PPP1R12A: variants seen among roughly 807,000 people sequenced by gnomAD.
PPP1R12A encodes the protein myosin binding subunit.
In PPP1R12A, 19 loss-of-function variants were observed where a neutral mutation model predicts 139.6. That is an observed-to-expected ratio of 0.14 (90% confidence interval 0.09 to 0.20). The LOEUF (loss-of-function observed/expected upper bound fraction) is 0.20, where lower values mean the gene tolerates loss of function less well. Among genes scored for constraint, PPP1R12A ranks in the 10% least tolerant of loss-of-function variants. PPP1R12A has a pLI of 1.00. For synonymous variants in PPP1R12A, 427 were observed against 420.6 expected, an observed-to-expected ratio of 1.02 and a Z score of -0.19; for missense variants, 925 against 1,211.5, an observed-to-expected ratio of 0.76 and a Z score of 3.51.
chr12:79,781,733 A>T, intron 23 of PPP1R12A, 82 bp downstream of exon 23: 2 of 804,194 alleles, frequency 2.5e-6, no homozygotes, highest in Non-Finnish European at 3.8e-6. Flanking sequence ...ATCCATAATA[A>T]CAAAATAAAA....
chr12:79,819,581 T>G (rs1269218865), intron 8 of PPP1R12A: 9 of 152,202 alleles, frequency 5.9e-5, no homozygotes, highest in Admixed American at 4.6e-4. Flanking sequence ...TTTGTAATGA[T>G]ATACTTGACT....
intron 18 of PPP1R12A, among the ~76,000 whole-genome samples, chr12:79,794,227 C>T (rs992603509): frequency 5.3e-5 from 8 of 151,760 alleles, no homozygotes; most frequent in Admixed American, 4.6e-4. Context: ...AACTATTTTC[C>T]GATTTCCCCA....
chr12:79,775,916 GC>G lies in PPP1R12A; in HGVS notation c.*12del. On this transcript the variant is annotated 3_prime_UTR_variant, in exon 25 of 25. Transcript: ENST00000450142. ...AATATGTGCAATTCCATTACTTGCT[GC>G]TTTTTTTTTTTTTATTTGGAAAGTT... 1 of 1,419,478 alleles carries G rather than the reference GC, an allele frequency of 7.0e-7. No individual in the cohort carries two copies. Among genetic ancestry groups the G allele is most frequent in the South Asian group, 1.3e-5 (1 of 78,506 alleles). The allele number at this position is 1,419,478 out of a possible 1,614,324, so 87.9% of individuals were successfully genotyped here.
intron 2 of PPP1R12A, among the ~76,000 whole-genome samples, chr12:79,869,492 G>A (rs1882333559): frequency 6.6e-6 from 1 of 152,144 alleles, no homozygotes; most frequent in Admixed American, 6.6e-5. Context: ...TGATGAATTT[G>A]CCAAGAACAT....
chr12:79,892,651 G>A (rs940002034), intron 1 of PPP1R12A, among the ~76,000 whole-genome samples: 1 of 152,086 alleles, frequency 6.6e-6, no homozygotes, highest in Non-Finnish European at 1.5e-5. Flanking sequence ...GTCAAAAGGG[G>A]AAGTAATAGG....
chr12:79,797,863 G>A (rs1872665949), intron 15 of PPP1R12A, among the ~76,000 whole-genome samples: 1 of 152,110 alleles, frequency 6.6e-6, no homozygotes, highest in African/African-American at 2.4e-5. Flanking sequence ...TAAGGCCCTA[G>A]CAAATAGTTC....
intron 1 of PPP1R12A, chr12:79,913,911 T>TG (rs1293451949): frequency 6.6e-6 from 1 of 152,168 alleles, no homozygotes; most frequent in Non-Finnish European, 1.5e-5. Flanking sequence ...AAGCATATGA[T>TG]GGAGTTTTCC....
chr12:79,872,921 A>G lies in PPP1R12A; in HGVS notation c.255T>C (p.Asn85=). The G allele has an allele frequency of 6.2e-7, 1 of 1,613,098 alleles. No individual in the cohort carries two copies. The highest frequency in any genetic ancestry group is 8.5e-7 in the Non-Finnish European group (1 of 1,179,608). Residue 85 remains asparagine (N), a synonymous_variant, in exon 2 of 25, where the codon AAT becomes AAC. Coordinates refer to ENST00000450142, the MANE Select transcript of PPP1R12A (RefSeq NM_002480.3). ...CTACCAGAAACTTCACCATATCAAC[A>G]TTGTCATCAATGCAAGCCTAAAAAC... ...TALHQACIDD[N]VDMVKFLVEN... is the part of the protein sequence containing the mutation.
At chr12:79,811,474 C>G (rs1383279952) in intron 9 of PPP1R12A, among the ~76,000 whole-genome samples, 1 of 152,194 alleles carries the variant, frequency 6.6e-6, no homozygotes, top group African/African-American at 2.4e-5. Context: ...TTCCATCAAA[C>G]TACTTAATGA....
intron 14 of PPP1R12A, among the ~76,000 whole-genome samples, chr12:79,799,513 C>T (rs1357861044): frequency 6.6e-6 from 1 of 152,134 alleles, no homozygotes; most frequent in Non-Finnish European, 1.5e-5. Flanking sequence ...ATTGTTCATA[C>T]TTTTGAGTGC....
At chr12:79,811,458 T>C (rs150276175) in intron 9 of PPP1R12A, among the ~76,000 whole-genome samples, 1 of 152,294 alleles carries the variant, frequency 6.6e-6, no homozygotes, top group African/African-American at 2.4e-5. Context: ...GCCATTTTGA[T>C]CACATTTCCA....
At chr12:79,906,973 TTGTACTG>T (rs2137504584) in intron 1 of PPP1R12A, among the ~76,000 whole-genome samples, 1 of 152,318 alleles carries the variant, frequency 6.6e-6, no homozygotes, top group South Asian at 2.1e-4. Context: ...AAATTGCCTA[TTGTACTG>T]ATTCTACATA....
At chr12:79,789,501 C>A (rs778374479) in intron 20 of PPP1R12A, 4 of 316,800 alleles carry the variant, frequency 1.3e-5, no homozygotes, top group Non-Finnish European at 2.4e-5. Flanking sequence ...TAAAGTATAT[C>A]CAAAGTGACA....
At chr12:79,836,353 CTTTTTATTA>C (rs1294648361) in intron 3 of PPP1R12A, among the ~76,000 whole-genome samples, 1 of 151,996 alleles carries the variant, frequency 6.6e-6, no homozygotes, top group African/African-American at 2.4e-5. Context: ...AAACAGGTAG[CTTTTTATTA>C]TTTTTATCCC....
At position 79,820,678 on chromosome 12, in the gene PPP1R12A, CA is replaced by C. The variant is rs201789044; in HGVS notation, c.1114+95del. On this transcript the variant is annotated intron_variant, in intron 8 of 24. Coordinates refer to ENST00000450142, the MANE Select transcript of PPP1R12A (RefSeq NM_002480.3). Reference sequence around the variant, plus strand: ...GTGTGGCAGGTATCTAAACAAGTAGCAAATCAGTCTGAAAAATTTAAAAATT... The same window carrying C: ...GTGTGGCAGGTATCTAAACAAGTAGCAATCAGTCTGAAAAATTTAAAAATT... The C allele has an allele frequency of 1.6e-3, 2,042 of 1,314,188 alleles. 22 individuals are homozygous for C. In the African/African-American group the frequency reaches 0.027, roughly 17 times the overall value. The allele number at this position is 1,314,188 out of a possible 1,614,324, so 81.4% of individuals were successfully genotyped here. A position where few individuals can be genotyped will look rare whatever the true frequency, so the allele number is the denominator to read the frequency against.
chr12:79,779,549 C>T (rs1870160566), intron 23 of PPP1R12A: 1 of 374,370 alleles, frequency 2.7e-6, no homozygotes, highest in South Asian at 2.0e-5. Flanking sequence ...GTTATTCCAA[C>T]ATCGGCATGC....
At chr12:79,926,534 G>A (rs974780158) in intron 1 of PPP1R12A, among the ~76,000 whole-genome samples, 1 of 152,134 alleles carries the variant, frequency 6.6e-6, no homozygotes, top group Non-Finnish European at 1.5e-5. Context: ...CCTTTACATT[G>A]TAAGTATTAT....
chr12:79,875,473 G>A (rs1883010260), intron 1 of PPP1R12A, among the ~76,000 whole-genome samples: 1 of 152,154 alleles, frequency 6.6e-6, no homozygotes, highest in African/African-American at 2.4e-5. Context: ...TCTAATGTGG[G>A]TAAAACCCAG....
In PPP1R12A at chr12:79,872,768, A is replaced by C. The variant is rs1265621465; in HGVS notation, c.368+40T>G. 1.9e-6 allele frequency: 3 copies of C among 1,595,462 alleles called. No homozygotes were observed. In the East Asian group the frequency reaches 6.7e-5, roughly 36 times the overall value. On this transcript the variant is annotated intron_variant, in intron 2 of 24. Coordinates refer to ENST00000450142, the MANE Select transcript of PPP1R12A (RefSeq NM_002480.3). ...CTTCAATAAACATTCAGGTCTGTCA[A>C]ACAGTATTAGAATAAAATGAAAACA...
Sources: gnomAD v4.1 joint callset for allele counts (sites outside exome capture counted in the v4.1 genomes callset) on GRCh38, gnomAD v4.1.1 for gene constraint, MANE v1.5 for transcripts, NCBI Gene and HGNC (gene_info 2026-07-23, HGNC 2026-07-21) for gene names.